The following GBF1 variants were observed in gnomAD, a reference collection of about 807,000 sequenced individuals.
GBF1 encodes golgi brefeldin A resistant guanine nucleotide exchange factor 1.
GBF1 carries 114 observed loss-of-function variants against 210.5 expected under a neutral mutation model. That is an observed-to-expected ratio of 0.54 (90% confidence interval 0.47 to 0.63). The LOEUF is 0.63. GBF1 is among the 30% of genes least tolerant of loss of function. The pLI is 0.00. For missense variants in GBF1, 1,851 were observed against 2,357.7 expected (o/e 0.79, Z 4.45); for synonymous variants, 850 against 889.2 (o/e 0.96, Z 0.78).
At chr10:102,284,568 C>T (rs1468018447) in intron 3 of GBF1, among the ~76,000 whole-genome samples, 1 of 152,112 alleles carries the variant, frequency 6.6e-6, no homozygotes, top group African/African-American at 2.4e-5. Flanking sequence ...TTTTGAGGGT[C>T]ATCCATGCTG....
chr10:102,281,433 T>C (rs2075465979), intron 3 of GBF1, among the ~76,000 whole-genome samples: 1 of 152,202 alleles, frequency 6.6e-6, no homozygotes, highest in Non-Finnish European at 1.5e-5. Flanking sequence ...TACTAAATTA[T>C]GTGATATTTT....
chr10:102,259,984 T>C, intron 2 of GBF1, 66 bp from the exon 3 acceptor site: 1 of 849,622 alleles, frequency 1.2e-6, no homozygotes, highest in Admixed American at 1.9e-5. Flanking sequence ...GCCCTTGATC[T>C]GTCCTTTATT....
intron 3 of GBF1, among the ~76,000 whole-genome samples, chr10:102,286,614 C>T (rs1455690420): frequency 3.9e-5 from 6 of 152,130 alleles, no homozygotes; most frequent in Non-Finnish European, 1.5e-5. Flanking sequence ...CTTTAAATCC[C>T]CCCTCTTTTT....
At position 102,370,718 on chromosome 10, in the gene GBF1, G is replaced by C. The variant is rs552315980; in HGVS notation, c.3518G>C (p.Gly1173Ala). ...RIVLENRDRV[G>A]CVWQTVRDHL... ...TTATGTCTACACAGGGATCGTGTGG[G>C]CTGTGTGTGGCAGACTGTTCGAGAC... The change falls in exon 29 of 40, where the codon GGC (glycine) becomes GCC (alanine). Residue 1173 changes from glycine (G) to alanine (A), a missense_variant. Physicochemically the swap from Gly to Ala is moderately conservative, Grantham distance 60 (BLOSUM62 0). Around this residue, in one of 3 missense-constraint regions of GBF1, gnomAD observed 967 missense variants for 1,247.7 expected, o/e 0.78. Transcript: ENST00000369983. 1 of 1,613,978 alleles carries C rather than the reference G, an allele frequency of 6.2e-7. No individual in the cohort carries two copies. Among genetic ancestry groups the C allele is most frequent in the South Asian group, 1.1e-5 (1 of 91,068 alleles).
At chr10:102,258,028 G>A (rs1283151402) in intron 1 of GBF1, among the ~76,000 whole-genome samples, 1 of 152,012 alleles carries the variant, frequency 6.6e-6, no homozygotes, top group Non-Finnish European at 1.5e-5. Flanking sequence ...TTTGAAAAAT[G>A]TTCTGGATTG....
chr10:102,255,774 G>A (rs1400099313), intron 1 of GBF1, among the ~76,000 whole-genome samples: 7 of 152,192 alleles, frequency 4.6e-5, no homozygotes, highest in Admixed American at 1.3e-4. Context: ...AGAAGAGAGC[G>A]TGGTTGTACA....
At chr10:102,381,330 G>T in intron 39 of GBF1, 75 bp downstream of exon 39, 5 of 1,493,378 alleles carry the variant, frequency 3.3e-6, no homozygotes, top group Non-Finnish European at 4.6e-6. Flanking sequence ...AAGGGGGCGT[G>T]GGAATGCTGC....
chr10:102,370,549 G>C, intron 28 of GBF1, 71 bp downstream of exon 28: 1 of 1,369,242 alleles, frequency 7.3e-7, no homozygotes, highest in Non-Finnish European at 1.0e-6. Context: ...CCATCTTGCT[G>C]AGTGGGCTCT....
At chr10:102,277,980 C>G (rs1417505467) in intron 3 of GBF1, among the ~76,000 whole-genome samples, 1 of 151,966 alleles carries the variant, frequency 6.6e-6, no homozygotes, top group Non-Finnish European at 1.5e-5. Flanking sequence ...AAAATTTTTT[C>G]AGCCAGTGGT....
chr10:102,359,201 G>A lies in GBF1; in HGVS notation c.1012-66G>A, dbSNP rs370085472. 166 of 1,102,112 alleles carry A rather than the reference G, an allele frequency of 1.5e-4. 2 individuals are homozygous for A. The South Asian group carries it at 1.8e-3, about 12-fold the overall frequency. The allele number at this position is 1,102,112 out of a possible 1,614,324, so 68.3% of individuals were successfully genotyped here. ...GACAGCTTGGAAGACAGCTACTTCA[G>A]GGGAGTAAGTTCCAAGTTGCTCTTG... is the stretch of plus-strand genomic sequence containing the variant. On this transcript the variant is annotated intron_variant, in intron 10 of 39. Transcript: ENST00000369983.
chr10:102,352,231 C>T (rs2059029808), intron 6 of GBF1, among the ~76,000 whole-genome samples: 1 of 152,210 alleles, frequency 6.6e-6, no homozygotes, highest in Admixed American at 6.5e-5. Context: ...TTGACACCAA[C>T]CTGCAACCCC....
In GBF1 at chr10:102,379,684, C is replaced by G. The variant is rs201510626; in HGVS notation, c.4776+33C>G. 47 of 1,611,982 alleles carry G rather than the reference C, an allele frequency of 2.9e-5. 1 individual carries two copies. Among genetic ancestry groups the G allele is most frequent in the Admixed American group, 1.8e-4 (11 of 59,948 alleles). Reference sequence around the variant, plus strand: ...TTCCTACTGGTCTTAAGATAAAGTTCAAATCCTAAGAAAAGGAAAGCCAGG... The same window carrying G: ...TTCCTACTGGTCTTAAGATAAAGTTGAAATCCTAAGAAAAGGAAAGCCAGG... On this transcript the variant is annotated intron_variant, in intron 35 of 39. Transcript: ENST00000369983.
chr10:102,347,831 C>T (rs759155626), intron 4 of GBF1, among the ~76,000 whole-genome samples: 1 of 152,210 alleles, frequency 6.6e-6, no homozygotes, highest in Non-Finnish European at 1.5e-5. Flanking sequence ...TGGCCCCATA[C>T]AGCTGCCAGA....
the GBF1 span, chr10:102,230,711 G>A: frequency 6.5e-7 from 1 of 1,547,902 alleles, no homozygotes. Context: ...GAGGCATAAG[G>A]GCAGGACACG....
intron 20 of GBF1, 95 bp from the exon 21 acceptor site, chr10:102,367,383 C>A (rs987498362): frequency 4.4e-6 from 5 of 1,145,952 alleles, no homozygotes; most frequent in Non-Finnish European, 6.6e-6. Flanking sequence ...TTTCGCTTAC[C>A]TTTTCCTAAG....
chr10:102,300,238 C>T (rs2077226442), intron 3 of GBF1, among the ~76,000 whole-genome samples: 1 of 152,182 alleles, frequency 6.6e-6, no homozygotes, highest in East Asian at 1.9e-4. Flanking sequence ...GAAATTTGGA[C>T]TGAGCAAACT....
At chr10:102,266,046 G>C in intron 3 of GBF1, among the ~76,000 whole-genome samples, 1 of 152,112 alleles carries the variant, frequency 6.6e-6, no homozygotes, top group Non-Finnish European at 1.5e-5. Context: ...GACCATCCTG[G>C]CGAACACGGT....
intron 3 of GBF1, among the ~76,000 whole-genome samples, chr10:102,306,446 G>A (rs1287845124): frequency 6.6e-6 from 1 of 152,092 alleles, no homozygotes; most frequent in Admixed American, 6.5e-5. Context: ...TTTTTGAGAT[G>A]GAGTTCTGCT....
At chr10:102,275,292 AG>A (rs1490264668) in intron 3 of GBF1, among the ~76,000 whole-genome samples, 1 of 152,340 alleles carries the variant, frequency 6.6e-6, no homozygotes, top group East Asian at 1.9e-4. Flanking sequence ...CTTTAGCCCA[AG>A]GGTCTCATGT....
Sources: gnomAD v4.1 joint callset for allele counts (sites outside exome capture counted in the v4.1 genomes callset) on GRCh38, gnomAD v4.1.1 for gene constraint, gnomAD v4.1.1 regional missense constraint, MANE v1.5 for transcripts, NCBI Gene and HGNC (gene_info 2026-07-23, HGNC 2026-07-21) for gene names.